UBE2W: variants seen among roughly 807,000 people sequenced by gnomAD.
UBE2W encodes the protein ubiquitin conjugating enzyme E2 W.
UBE2W carries 18 observed loss-of-function variants against 27.2 expected under a neutral mutation model. The observed-to-expected ratio is 0.66, with a 90% CI of 0.46 to 0.98. UBE2W has a LOEUF of 0.98. UBE2W is among the 50% of genes least tolerant of loss of function. UBE2W has a pLI of 0.00. For synonymous variants in UBE2W, 53 were observed against 57.2 expected, an observed-to-expected ratio of 0.93 and a Z score of 0.33; for missense variants, 90 against 180.2, an observed-to-expected ratio of 0.50 and a Z score of 2.87.
intron 4 of UBE2W, among the ~76,000 whole-genome samples, chr8:73,780,813 G>C (rs111996323): frequency 0.053 from 8,037 of 151,920 alleles, 683 homozygotes; most frequent in African/African-American, 0.18. Context: ...TGTGAGCCAC[G>C]ACGCCTGACC....
At chr8:73,875,930 G>A (rs1812200442) in intron 1 of UBE2W, among the ~76,000 whole-genome samples, 1 of 152,084 alleles carries the variant, frequency 6.6e-6, no homozygotes, top group African/African-American at 2.4e-5. Flanking sequence ...GCCAGCGCCT[G>A]TAATCCCAGC....
At chr8:73,784,752 T>C (rs988567318), downstream of UBE2W, among the ~76,000 whole-genome samples, 1 of 152,144 alleles carries the variant, frequency 6.6e-6, no homozygotes, top group African/African-American at 2.4e-5. Flanking sequence ...TGGGTCTAGC[T>C]TTAAATTATT....
intron 1 of UBE2W, among the ~76,000 whole-genome samples, chr8:73,854,049 TGAG>T (rs1375669689): frequency 6.6e-6 from 1 of 151,986 alleles, no homozygotes; most frequent in Non-Finnish European, 1.5e-5. Context: ...CTCAGGAGGC[TGAG>T]GAGGGAGGAT....
chr8:73,808,908 T>C (rs1341458760), intron 4 of UBE2W, among the ~76,000 whole-genome samples: 1 of 152,202 alleles, frequency 6.6e-6, no homozygotes, highest in Admixed American at 6.5e-5. Context: ...CTCTAGTTTT[T>C]AATAATAAAT....
At chr8:73,874,589 G>A (rs1019150497) in intron 1 of UBE2W, among the ~76,000 whole-genome samples, 1 of 152,146 alleles carries the variant, frequency 6.6e-6, no homozygotes, top group South Asian at 2.1e-4. Context: ...GAATGCTTCT[G>A]CAGTTTGGGG....
At chr8:73,869,375 G>C (rs543079383) in intron 1 of UBE2W, among the ~76,000 whole-genome samples, 1 of 151,958 alleles carries the variant, frequency 6.6e-6, no homozygotes, top group Non-Finnish European at 1.5e-5. Context: ...TGGCCAACAT[G>C]GTTAAACCCC....
At chr8:73,816,889 C>T (rs1217189485) in intron 3 of UBE2W, among the ~76,000 whole-genome samples, 1 of 151,472 alleles carries the variant, frequency 6.6e-6, no homozygotes, top group East Asian at 1.9e-4. Flanking sequence ...CAAAAATAAG[C>T]CAGGCTTTGT....
chr8:73,786,119 G>T, downstream of UBE2W: 1 of 717,490 alleles, frequency 1.4e-6, no homozygotes, highest in Non-Finnish European at 1.7e-6. Flanking sequence ...TGATTTTATG[G>T]TTCCTGAGAT....
exon 5 of UBE2W, chr8:73,780,134 C>T (rs529223566): frequency 1.3e-5 from 2 of 156,390 alleles, no homozygotes; most frequent in East Asian, 3.6e-4. Flanking sequence ...TCTCACAGTT[C>T]TGGAGGCTGG....
At chr8:73,783,988 TG>T (rs1322236691), downstream of UBE2W, among the ~76,000 whole-genome samples, 1 of 152,074 alleles carries the variant, frequency 6.6e-6, no homozygotes, top group Non-Finnish European at 1.5e-5. Flanking sequence ...ACACCTCAGG[TG>T]ATCTGCCCGT....
In UBE2W at chr8:73,788,444, T is replaced by A; in HGVS notation, c.*5658A>T. 1 of 985,442 alleles carries A rather than the reference T, an allele frequency of 1.0e-6. No individual in the cohort carries two copies. Among genetic ancestry groups the A allele is most frequent in the Non-Finnish European group, 1.2e-6 (1 of 829,924 alleles). The allele number at this position is 985,442 out of a possible 1,614,324, so 61.0% of individuals were successfully genotyped here. ...AAACAAATTCATTTTGACCTGAACA[T>A]GCATTTAGTTTTTGGCTACTAATCA... On this transcript the variant is annotated 3_prime_UTR_variant, in exon 6 of 6. Transcript: ENST00000602593.
At chr8:73,807,667 T>C (rs1168276391) in intron 4 of UBE2W, among the ~76,000 whole-genome samples, 1 of 152,222 alleles carries the variant, frequency 6.6e-6, no homozygotes, top group Middle Eastern at 3.2e-3. Context: ...TATGTTCATA[T>C]GGAATTGGTA....
Position 73,813,239 on chromosome 8 carries a change from A to G in UBE2W, c.211-2610T>C, listed in dbSNP as rs538653306. ...GCACAAGGAGAACAGTATTTTTCCT[A>G]AAGAGAAATGGTTATAAACTAAATC... is the stretch of plus-strand genomic sequence containing the variant. On this transcript the variant is annotated intron_variant, in intron 3 of 5. Transcript: ENST00000602593. Among the ~76,000 whole-genome samples the G allele has an allele frequency of 7.9e-5, 12 of 152,254 alleles. No homozygotes were observed. In the East Asian group the frequency reaches 2.1e-3, roughly 27 times the overall value.
At chr8:73,805,927 C>G in intron 4 of UBE2W, among the ~76,000 whole-genome samples, 1 of 152,124 alleles carries the variant, frequency 6.6e-6, no homozygotes, top group Non-Finnish European at 1.5e-5. Flanking sequence ...GAATAATAAG[C>G]GTGTTTGAGT....
At chr8:73,870,733 T>C (rs768321883) in intron 1 of UBE2W, among the ~76,000 whole-genome samples, 7 of 150,068 alleles carry the variant, frequency 4.7e-5, no homozygotes, top group Non-Finnish European at 8.9e-5. Context: ...GTAAAGGAAA[T>C]TATTAGCGCT....
At chr8:73,835,434 G>C (rs910557058) in intron 1 of UBE2W, among the ~76,000 whole-genome samples, 3 of 152,140 alleles carry the variant, frequency 2.0e-5, no homozygotes, top group African/African-American at 7.2e-5. Flanking sequence ...CCCAAGATTA[G>C]ATTATTTTAA....
At chr8:73,828,930 C>T (rs948955152) in intron 2 of UBE2W, among the ~76,000 whole-genome samples, 1 of 152,154 alleles carries the variant, frequency 6.6e-6, no homozygotes, top group South Asian at 2.1e-4. Flanking sequence ...TATGGATCTT[C>T]CACATCCATA....
Position 73,848,991 on chromosome 8 carries a change from T to C in UBE2W, c.16-18519A>G, listed in dbSNP as rs76250232. ...TCATTTTAAATGGATGAGTATATTA[T>C]GTGAGTTGGTTCACAATAAAGCTGT... On this transcript the variant is annotated intron_variant, in intron 1 of 5. Coordinates refer to ENST00000602593, the MANE Select transcript of UBE2W (RefSeq NM_018299.6). Among the ~76,000 whole-genome samples the C allele has an allele frequency of 7.4e-3, 1,129 of 152,206 alleles. 15 individuals are homozygous for C. The highest frequency in any genetic ancestry group is 0.026 in the African/African-American group (1,062 of 41,526).
chr8:73,844,174 CTG>C (rs1810665877), intron 1 of UBE2W, among the ~76,000 whole-genome samples: 17 of 138,448 alleles, frequency 1.2e-4, no homozygotes, highest in African/African-American at 4.8e-4. Context: ...CCCTCCCCCT[CTG>C]CACGGACTCC....
Sources: allele counts gnomAD v4.1 joint callset (sites outside exome capture counted in the v4.1 genomes callset), GRCh38; gene constraint gnomAD v4.1.1; transcripts MANE v1.5; gene names NCBI Gene and HGNC (gene_info 2026-07-23, HGNC 2026-07-21).